Variants in TEX14 observed in about 807,000 individuals in gnomAD.
TEX14 encodes testis expressed 14, intercellular bridge forming factor, also known as inactive serine/threonine-protein kinase TEX14.
A neutral mutation model predicts 178.6 loss-of-function variants in TEX14; 168 were observed. The ratio of observed to expected loss-of-function variants is 0.94; its 90% CI spans 0.83 to 1.07. The LOEUF is 1.07. Ranked by LOEUF, TEX14 falls within the 50% of genes least tolerant of loss-of-function variation. The pLI is 0.00. For synonymous variants in TEX14, 626 were observed against 634.1 expected, an observed-to-expected ratio of 0.99 and a Z score of 0.19; for missense variants, 1,730 against 1,753.6, an observed-to-expected ratio of 0.99 and a Z score of 0.24.
At chr17:58,650,020 G>A (rs1175135800) in intron 2 of TEX14, among the ~76,000 whole-genome samples, 2 of 151,840 alleles carry the variant, frequency 1.3e-5, no homozygotes, top group African/African-American at 2.4e-5. Flanking sequence ...GATTACAGGC[G>A]TGTGCCACTG....
chr17:58,649,066 C>T lies in TEX14; in HGVS notation c.136+2800G>A, dbSNP rs147339272. ...TGCTGGGATTACAGGCGTGAGCCACCACGCCCGGCCTCTTTTTTTTTTTTT... is the reference window on the plus strand; with the variant it reads ...TGCTGGGATTACAGGCGTGAGCCACTACGCCCGGCCTCTTTTTTTTTTTTT... On this transcript the variant is annotated intron_variant, in intron 2 of 31. Transcript: ENST00000349033. Among the ~76,000 whole-genome samples the T allele has an allele frequency of 4.1e-3, 608 of 148,998 alleles. 2 individuals carry two copies. Among genetic ancestry groups the T allele is most frequent in the African/African-American group, 0.014 (563 of 39,982 alleles).
intron 8 of TEX14, 151 bp from the exon 9 acceptor site, chr17:58,613,695 G>A (rs955897706): frequency 1.9e-5 from 17 of 892,950 alleles, no homozygotes; most frequent in Non-Finnish European, 2.8e-5. Flanking sequence ...GAGTCTCACT[G>A]TATTGCCCAG....
intron 11 of TEX14, 70 bp from the exon 12 acceptor site, chr17:58,602,660 A>G (rs2045484247): frequency 1.5e-6 from 2 of 1,312,214 alleles, no homozygotes; most frequent in Non-Finnish European, 2.1e-6. Flanking sequence ...AAAAGAAATC[A>G]GATGAAGCTG....
At chr17:58,643,744 C>T (rs577210313) in intron 2 of TEX14, among the ~76,000 whole-genome samples, 107 of 151,376 alleles carry the variant, frequency 7.1e-4, no homozygotes, top group African/African-American at 2.1e-3. Context: ...TGGTGATGCA[C>T]GACTGTAAAC....
chr17:58,666,114 G>T (rs918867001), intron 1 of TEX14, among the ~76,000 whole-genome samples: 1 of 151,888 alleles, frequency 6.6e-6, no homozygotes, highest in Non-Finnish European at 1.5e-5. Context: ...GAGGCTGAAG[G>T]TGTGGATCAC....
chr17:58,690,682 G>A (rs1017637057), intron 1 of TEX14, among the ~76,000 whole-genome samples: 5 of 152,152 alleles, frequency 3.3e-5, no homozygotes, highest in Non-Finnish European at 2.9e-5. Context: ...GACCATATTA[G>A]AAGTTAAGCA....
intron 1 of TEX14, among the ~76,000 whole-genome samples, chr17:58,668,336 T>C (rs1020130759): frequency 2.0e-5 from 3 of 152,202 alleles, no homozygotes; most frequent in African/African-American, 2.4e-5. Flanking sequence ...AAAGTCATCC[T>C]TACAGCAAAA....
At chr17:58,597,346 C>T (rs2045313293) in intron 14 of TEX14, among the ~76,000 whole-genome samples, 1 of 152,128 alleles carries the variant, frequency 6.6e-6, no homozygotes, top group Non-Finnish European at 1.5e-5. Context: ...TTGCAGTGAG[C>T]AGAGATCGTG....
intron 6 of TEX14, among the ~76,000 whole-genome samples, 200 bp from the exon 7 acceptor site, chr17:58,616,505 A>G (rs2045876953): frequency 6.7e-6 from 1 of 149,974 alleles, no homozygotes; most frequent in African/African-American, 2.5e-5. Flanking sequence ...ATCTTGGCTC[A>G]CTGCAGCCTG....
chr17:58,680,900 T>C (rs2143555161), intron 1 of TEX14, among the ~76,000 whole-genome samples: 1 of 152,310 alleles, frequency 6.6e-6, no homozygotes, highest in South Asian at 2.1e-4. Context: ...CCAAAATAAA[T>C]TAGCCAGAGT....
intron 3 of TEX14, among the ~76,000 whole-genome samples, chr17:58,624,296 T>G (rs1029535736): frequency 2.0e-5 from 3 of 150,920 alleles, no homozygotes; most frequent in Admixed American, 2.0e-4. Context: ...CTGAATACAC[T>G]ATACAAACTC....
At chr17:58,634,594 C>G (rs574445120) in intron 2 of TEX14, among the ~76,000 whole-genome samples, 1 of 152,266 alleles carries the variant, frequency 6.6e-6, no homozygotes, top group African/African-American at 2.4e-5. Context: ...TGTATCTCCC[C>G]TATCTTCAGT....
chr17:58,599,756 C>CA (rs111881602), intron 13 of TEX14, 90 bp from the exon 14 acceptor site: 52,001 of 684,936 alleles, frequency 0.076, no homozygotes, highest in Non-Finnish European at 0.082. Context: ...CAAAGACTGT[C>CA]AAAAAAAAAA....
chr17:58,601,910 A>C lies in TEX14; in HGVS notation c.1574T>G (p.Val525Gly). ...ATCGGGATGGAGTCCGTATCTCTGC[A>C]CTCTGGGGCTCTCGGTTGGTTGAGT... ...QRTQPTESPR[V>G]QRYGLHPDVN... The change falls in exon 13 of 32, where the codon GTG (valine) becomes GGG (glycine). Residue 525 changes from valine to glycine, a missense_variant. Coordinates refer to ENST00000349033, the MANE Select transcript of TEX14 (RefSeq NM_031272.5). 6.2e-7 allele frequency: 1 copy of C among 1,611,234 alleles called. No homozygotes were observed. The highest frequency in any genetic ancestry group is 8.5e-7 in the Non-Finnish European group (1 of 1,179,128).
At chr17:58,666,231 CCA>C (rs2047202411) in intron 1 of TEX14, among the ~76,000 whole-genome samples, 1 of 151,264 alleles carries the variant, frequency 6.6e-6, no homozygotes, top group Non-Finnish European at 1.5e-5. Context: ...TAATGTAATC[CCA>C]GTTTCTAGGG....
intron 14 of TEX14, among the ~76,000 whole-genome samples, chr17:58,596,720 T>C (rs1343884431): frequency 1.4e-5 from 2 of 147,468 alleles, no homozygotes; most frequent in Non-Finnish European, 3.0e-5. Context: ...CCCATCTCTA[T>C]GGAAAAAAAA....
chr17:58,649,777 T>TC (rs1167771713), intron 2 of TEX14, among the ~76,000 whole-genome samples: 2 of 152,108 alleles, frequency 1.3e-5, no homozygotes, highest in East Asian at 3.9e-4. Context: ...TCTCACTCTG[T>TC]CCCCCAGGCT....
chr17:58,605,058 G>C lies in TEX14; in HGVS notation c.1256C>G (p.Pro419Arg), dbSNP rs1179320367. ...GGCTGCCTTCTGTAAGATCACTTCT[G>C]GTGCGGCCCAGTTGTATAGCTGCGT... ...LPTQLYNWAA[P>R]EVILQKAATV... Residue 419 changes from proline to arginine, a missense_variant, in exon 11 of 32, where the codon CCA (proline) becomes CGA (arginine). Physicochemically the swap from Pro to Arg is moderately radical, Grantham distance 103 (BLOSUM62 -2). Transcript: ENST00000349033. 4 of 1,614,172 alleles carry C rather than the reference G, an allele frequency of 2.5e-6. No homozygotes were observed. The highest frequency in any genetic ancestry group is 3.4e-6 in the Non-Finnish European group (4 of 1,180,034).
chr17:58,637,652 A>C (rs2046466631), intron 2 of TEX14, among the ~76,000 whole-genome samples: 1 of 152,186 alleles, frequency 6.6e-6, no homozygotes, highest in African/African-American at 2.4e-5. Context: ...GCTTTTTCCC[A>C]CATGCCTTGC....
Sources: gnomAD v4.1 joint callset for allele counts (sites outside exome capture counted in the v4.1 genomes callset) on GRCh38, gnomAD v4.1.1 for gene constraint, MANE v1.5 for transcripts, NCBI Gene and HGNC (gene_info 2026-07-23, HGNC 2026-07-21) for gene names.